EPHB1: variants seen among roughly 807,000 people sequenced by gnomAD.
EPHB1 encodes EPH receptor B1.
Under a neutral mutation model 94.4 loss-of-function variants are expected in EPHB1, and 30 were observed. The ratio of observed to expected loss-of-function variants is 0.32; its 90% confidence interval spans 0.24 to 0.43. The LOEUF is 0.43. Among genes scored for constraint, EPHB1 ranks in the 20% least tolerant of loss-of-function variants. EPHB1 has a pLI of 1.00. For synonymous variants in EPHB1, 522 were observed against 489.1 expected (o/e 1.07, Z -0.89); for missense variants, 1,055 against 1,308.3 (o/e 0.81, Z 2.99).
At chr3:135,162,310 GT>G (rs1355320451) in intron 7 of EPHB1, 130 bp downstream of exon 7, 2 of 1,103,242 alleles carry the variant, frequency 1.8e-6, no homozygotes, top group Non-Finnish European at 2.5e-6. Flanking sequence ...CCTTCAAACG[GT>G]TTGCCTCCCA....
intron 3 of EPHB1, among the ~76,000 whole-genome samples, chr3:135,058,688 T>C (rs1309394330): frequency 6.6e-6 from 1 of 152,238 alleles, no homozygotes; most frequent in East Asian, 1.9e-4. Flanking sequence ...TCCTTCAACA[T>C]TGACTGTTCC....
At chr3:135,031,685 C>T (rs1936476804) in intron 3 of EPHB1, among the ~76,000 whole-genome samples, 1 of 152,144 alleles carries the variant, frequency 6.6e-6, no homozygotes, top group Admixed American at 6.5e-5. Flanking sequence ...TCCACAAAGC[C>T]AATCAAAATT....
chr3:134,945,532 G>A (rs535479460), intron 2 of EPHB1, among the ~76,000 whole-genome samples: 7 of 152,274 alleles, frequency 4.6e-5, no homozygotes, highest in African/African-American at 1.7e-4. Flanking sequence ...CACACTTGAA[G>A]TATTGGGAGA....
At chr3:135,184,287 G>C (rs1942271790) in intron 10 of EPHB1, among the ~76,000 whole-genome samples, 1 of 152,142 alleles carries the variant, frequency 6.6e-6, no homozygotes, top group African/African-American at 2.4e-5. Context: ...GACCCACGGA[G>C]GGAAAGTTCA....
intron 4 of EPHB1, among the ~76,000 whole-genome samples, chr3:135,115,419 G>A (rs569985160): frequency 5.3e-5 from 8 of 152,228 alleles, no homozygotes; most frequent in Admixed American, 2.6e-4. Flanking sequence ...GTGGCTGTGC[G>A]TCCTCTGTCC....
intron 11 of EPHB1, among the ~76,000 whole-genome samples, chr3:135,196,034 G>GCA: frequency 7.0e-6 from 1 of 142,556 alleles, no homozygotes; most frequent in Non-Finnish European, 1.5e-5. Flanking sequence ...ATTCTAACTG[G>GCA]TGTGAGATGG....
intron 5 of EPHB1, among the ~76,000 whole-genome samples, chr3:135,146,972 A>G (rs1371293040): frequency 2.0e-5 from 3 of 152,226 alleles, no homozygotes; most frequent in African/African-American, 4.8e-5. Flanking sequence ...TGGGAAATTA[A>G]TAACATAAGA....
chr3:134,977,327 A>G (rs1934228053), intron 3 of EPHB1, among the ~76,000 whole-genome samples: 1 of 152,126 alleles, frequency 6.6e-6, no homozygotes, highest in Non-Finnish European at 1.5e-5. Context: ...CCTGCAGAAA[A>G]TCCATCTTCA....
intron 12 of EPHB1, among the ~76,000 whole-genome samples, chr3:135,215,721 C>T (rs1187521236): frequency 6.6e-6 from 1 of 152,154 alleles, no homozygotes; most frequent in Non-Finnish European, 1.5e-5. Flanking sequence ...TCCCTGGGGA[C>T]CAGAGTTTCC....
intron 11 of EPHB1, among the ~76,000 whole-genome samples, chr3:135,195,256 AG>A (rs945075348): frequency 6.6e-6 from 1 of 152,082 alleles, no homozygotes; most frequent in African/African-American, 2.4e-5. Flanking sequence ...GCAGGGGAAC[AG>A]GGAGATTCAT....
At position 134,914,068 on chromosome 3, in the gene EPHB1, T is replaced by C. The variant is rs181407663; in HGVS notation, c.59-11748T>C. Among the ~76,000 whole-genome samples, 11 of 152,154 alleles carry C rather than the reference T, an allele frequency of 7.2e-5. No homozygotes were observed. The East Asian group carries it at 2.1e-3, about 30-fold the overall frequency. ...GTTGGCTGTGGAGAATGTGACTGGATGGCTAAGTTGGGTTTCTCAATGAAC... is the reference window on the plus strand; with the variant it reads ...GTTGGCTGTGGAGAATGTGACTGGACGGCTAAGTTGGGTTTCTCAATGAAC... On this transcript the variant is annotated intron_variant, in intron 1 of 15. Coordinates refer to ENST00000398015, the MANE Select transcript of EPHB1 (RefSeq NM_004441.5).
chr3:135,029,623 G>C (rs1936342654), intron 3 of EPHB1, among the ~76,000 whole-genome samples: 1 of 149,634 alleles, frequency 6.7e-6, no homozygotes, highest in Non-Finnish European at 1.5e-5. Flanking sequence ...CCCTTTGAGG[G>C]TAACCCGACC....
chr3:135,140,322 A>G (rs1259224106), intron 5 of EPHB1, among the ~76,000 whole-genome samples: 2 of 152,202 alleles, frequency 1.3e-5, no homozygotes, highest in Non-Finnish European at 2.9e-5. Context: ...AGTCAACTCC[A>G]TGAACTGACT....
At chr3:134,798,878 CA>C (rs2035882295) in intron 1 of EPHB1, among the ~76,000 whole-genome samples, 1 of 152,200 alleles carries the variant, frequency 6.6e-6, no homozygotes, top group Admixed American at 6.5e-5. Flanking sequence ...AGCATTCTCC[CA>C]ACCCCACTCC....
intron 1 of EPHB1, among the ~76,000 whole-genome samples, chr3:134,807,494 A>AGTGTGTGTGTGTGT (rs151336394): frequency 4.3e-5 from 6 of 138,724 alleles, no homozygotes; most frequent in South Asian, 2.4e-4. Context: ...TTGGGGAAGG[A>AGTGTGTGTGTGTGT]GTGTGTGTGT....
At chr3:135,093,308 C>T (rs1336383305) in intron 3 of EPHB1, among the ~76,000 whole-genome samples, 1 of 152,204 alleles carries the variant, frequency 6.6e-6, no homozygotes, top group African/African-American at 2.4e-5. Context: ...CCACTCCCCG[C>T]ACTCCACTGC....
intron 3 of EPHB1, among the ~76,000 whole-genome samples, chr3:135,054,778 T>TTA (rs1474712877): frequency 6.6e-6 from 1 of 152,266 alleles, no homozygotes; most frequent in Non-Finnish European, 1.5e-5. Context: ...CTCAAATTTA[T>TTA]TATAGACTTA....
intron 5 of EPHB1, among the ~76,000 whole-genome samples, chr3:135,133,561 A>G (rs932717849): frequency 6.6e-6 from 1 of 152,256 alleles, no homozygotes; most frequent in Non-Finnish European, 1.5e-5. Context: ...TCCAGAGATC[A>G]TATGATAAAA....
intron 3 of EPHB1, among the ~76,000 whole-genome samples, chr3:135,007,876 C>T (rs531419457): frequency 1.3e-4 from 20 of 152,272 alleles, no homozygotes; most frequent in Admixed American, 4.6e-4. Flanking sequence ...CAGGTCAGGA[C>T]GAAGGGCAGC....
Sources: gnomAD v4.1 joint callset for allele counts (sites outside exome capture counted in the v4.1 genomes callset) on GRCh38, gnomAD v4.1.1 for gene constraint, MANE v1.5 for transcripts, NCBI Gene and HGNC (gene_info 2026-07-23, HGNC 2026-07-21) for gene names.